RBFOX1: variants seen among roughly 807,000 people sequenced by gnomAD.
RBFOX1 encodes the protein RNA binding protein fox-1 homolog 1.
In RBFOX1, 8 loss-of-function variants were observed where a neutral mutation model predicts 57.7. The observed-to-expected ratio is 0.14, with a 90% CI of 0.08 to 0.25. RBFOX1 has a LOEUF of 0.25. Ranked by LOEUF, RBFOX1 falls within the 10% of genes least tolerant of loss-of-function variation. RBFOX1 has a pLI of 1.00. For missense variants in RBFOX1, 611 were observed against 548.5 expected (o/e 1.11, Z -1.14); for synonymous variants, 326 against 222.4 (o/e 1.47, Z -4.15).
intron 3 of RBFOX1, among the ~76,000 whole-genome samples, chr16:6,875,812 CTGGGG>C (rs2061730976): frequency 6.6e-6 from 1 of 151,716 alleles, no homozygotes; most frequent in Non-Finnish European, 1.5e-5. Context: ...CAAGACCAGT[CTGGGG>C]AACATGGTGA....
At chr16:6,888,969 C>A (rs1057444747) in intron 3 of RBFOX1, among the ~76,000 whole-genome samples, 1 of 152,276 alleles carries the variant, frequency 6.6e-6, no homozygotes, top group Middle Eastern at 3.4e-3. Flanking sequence ...TGGGCAGACA[C>A]AGCTTTTCTG....
chr16:6,562,603 G>C (rs2097192915), intron 2 of RBFOX1, among the ~76,000 whole-genome samples: 1 of 152,162 alleles, frequency 6.6e-6, no homozygotes, highest in Non-Finnish European at 1.5e-5. Flanking sequence ...GGTTGTGCAA[G>C]TTTCTAAACA....
intron 3 of RBFOX1, among the ~76,000 whole-genome samples, chr16:5,836,338 C>G (rs1392087331): frequency 6.6e-6 from 1 of 152,176 alleles, no homozygotes; most frequent in Admixed American, 6.5e-5. Flanking sequence ...GACCCTTTGC[C>G]TGGCAGTGGG....
At chr16:6,259,062 G>GT (rs1329094503) in intron 1 of RBFOX1, among the ~76,000 whole-genome samples, 1 of 152,120 alleles carries the variant, frequency 6.6e-6, no homozygotes, top group Non-Finnish European at 1.5e-5. Context: ...TTCTGACAGG[G>GT]TATTCGGTAT....
intron 4 of RBFOX1, among the ~76,000 whole-genome samples, chr16:7,321,927 A>C (rs1422163814): frequency 6.6e-6 from 1 of 152,176 alleles, no homozygotes; most frequent in Non-Finnish European, 1.5e-5. Context: ...CCCCTTGGCT[A>C]ATCCTCTCCA....
intron 3 of RBFOX1, among the ~76,000 whole-genome samples, chr16:6,911,441 G>A (rs1479986545): frequency 6.6e-6 from 1 of 152,158 alleles, no homozygotes; most frequent in Non-Finnish European, 1.5e-5. Context: ...GCATGGTGCT[G>A]CTTGGGTTTT....
At chr16:6,086,438 A>G (rs2096085288) in intron 1 of RBFOX1, among the ~76,000 whole-genome samples, 1 of 152,170 alleles carries the variant, frequency 6.6e-6, no homozygotes, top group African/African-American at 2.4e-5. Flanking sequence ...GTCGGTGGTA[A>G]AGTCCTTTCA....
At chr16:6,971,176 A>G (rs1392331165) in intron 3 of RBFOX1, among the ~76,000 whole-genome samples, 1 of 152,218 alleles carries the variant, frequency 6.6e-6, no homozygotes, top group African/African-American at 2.4e-5. Context: ...TTATTGGGAA[A>G]AAGTATCCGC....
intron 3 of RBFOX1, among the ~76,000 whole-genome samples, chr16:6,979,965 C>T (rs545440436): frequency 3.9e-5 from 6 of 152,202 alleles, no homozygotes; most frequent in African/African-American, 1.4e-4. Flanking sequence ...TTTCATTTTC[C>T]TGTTGGAGTG....
chr16:7,590,006 C>T (rs541500758), intron 7 of RBFOX1, among the ~76,000 whole-genome samples: 2 of 150,380 alleles, frequency 1.3e-5, no homozygotes, highest in African/African-American at 4.9e-5. Flanking sequence ...TGTCTCATAC[C>T]TAACATTCTA....
intron 3 of RBFOX1, among the ~76,000 whole-genome samples, chr16:6,840,714 C>A (rs1001672245): frequency 2.6e-5 from 4 of 151,754 alleles, no homozygotes; most frequent in Admixed American, 2.6e-4. Context: ...TGGTGAAACC[C>A]CGTCTCTACT....
At chr16:7,375,291 A>T (rs1009900110) in intron 4 of RBFOX1, among the ~76,000 whole-genome samples, 5 of 152,200 alleles carry the variant, frequency 3.3e-5, no homozygotes, top group African/African-American at 9.7e-5. Flanking sequence ...AACTACTTCT[A>T]TGCCATCTTA....
intron 1 of RBFOX1, among the ~76,000 whole-genome samples, chr16:5,449,725 C>T (rs1396754154): frequency 2.0e-5 from 3 of 152,174 alleles, no homozygotes; most frequent in Non-Finnish European, 4.4e-5. Flanking sequence ...CCTCCCACCT[C>T]AGCCCCCCGA....
At chr16:6,403,744 C>T (rs183338166) in intron 2 of RBFOX1, among the ~76,000 whole-genome samples, 17 of 152,188 alleles carry the variant, frequency 1.1e-4, no homozygotes, top group Admixed American at 7.2e-4. Context: ...GTGGAGGCAT[C>T]GAGCCCTATG....
chr16:5,395,163 C>A (rs1396882909), intron 1 of RBFOX1, among the ~76,000 whole-genome samples: 1 of 152,202 alleles, frequency 6.6e-6, no homozygotes, highest in Non-Finnish European at 1.5e-5. Flanking sequence ...TGCCAGCATC[C>A]CAGAGCACTG....
intron 1 of RBFOX1, among the ~76,000 whole-genome samples, chr16:5,424,167 A>ACT (rs951624577): frequency 3.3e-5 from 5 of 151,826 alleles, no homozygotes; most frequent in African/African-American, 1.2e-4. Context: ...GAGAGTGTGC[A>ACT]CTCTCTCTCT....
intron 3 of RBFOX1, among the ~76,000 whole-genome samples, chr16:6,746,806 G>C (rs1324422026): frequency 6.6e-6 from 1 of 152,102 alleles, no homozygotes; most frequent in Non-Finnish European, 1.5e-5. Context: ...GCCAAAGTTT[G>C]CTAGTGATCC....
chr16:6,113,098 G>C (rs75782612), intron 1 of RBFOX1, among the ~76,000 whole-genome samples: 4,789 of 152,230 alleles, frequency 0.031, 253 homozygotes, highest in African/African-American at 0.11. Context: ...AAGCAGGCAT[G>C]TGAGTGCTAT....
At chr16:6,891,018 T>C (rs1174247994) in intron 3 of RBFOX1, among the ~76,000 whole-genome samples, 1 of 152,140 alleles carries the variant, frequency 6.6e-6, no homozygotes, top group Non-Finnish European at 1.5e-5. Flanking sequence ...TGTGAACGTT[T>C]TGAGGACAGG....
Sources: allele counts gnomAD v4.1 joint callset (sites outside exome capture counted in the v4.1 genomes callset), GRCh38; gene constraint gnomAD v4.1.1; transcripts MANE v1.5; gene names NCBI Gene and HGNC (gene_info 2026-07-23, HGNC 2026-07-21).